Variants in TSGA10 observed in about 807,000 individuals in gnomAD.
TSGA10 encodes testis specific 10.
A neutral mutation model predicts 96.6 loss-of-function variants in TSGA10; 43 were observed. The ratio of observed to expected loss-of-function variants is 0.44; its 90% CI spans 0.35 to 0.57. The LOEUF (loss-of-function observed/expected upper bound fraction) is 0.57, where lower values mean the gene tolerates loss of function less well. Ranked by LOEUF, TSGA10 falls within the 20% of genes least tolerant of loss-of-function variation. TSGA10 has a pLI of 0.01. For missense variants in TSGA10, 703 were observed against 834.4 expected (o/e 0.84, Z 1.94); for synonymous variants, 229 against 269.9 (o/e 0.85, Z 1.48).
intron 16 of TSGA10, among the ~76,000 whole-genome samples, chr2:99,044,915 T>C (rs2104276235): frequency 6.6e-6 from 1 of 152,258 alleles, no homozygotes; most frequent in South Asian, 2.1e-4. Flanking sequence ...CTGAACAACC[T>C]GCTCCTGAAT....
Position 99,126,843 on chromosome 2 carries a change from C to G in TSGA10, c.-492+205G>C, listed in dbSNP as rs1047088358. On this transcript the variant is annotated intron_variant, in intron 2 of 20. Coordinates refer to ENST00000393483, the MANE Select transcript of TSGA10 (RefSeq NM_025244.4). ...GTAAAAACTGTATACCTGAAAACAT[C>G]TGACACAACACTTGACACGTAGTTT... The G allele has an allele frequency of 3.6e-5, 11 of 306,294 alleles. 1 individual carries two copies. The Admixed American group carries it at 3.8e-4, about 11-fold the overall frequency. The allele number at this position is 306,294 out of a possible 1,614,324, so 19.0% of individuals were successfully genotyped here.
intron 16 of TSGA10, among the ~76,000 whole-genome samples, chr2:99,056,154 G>A (rs570450940): frequency 4.0e-5 from 6 of 151,628 alleles, no homozygotes; most frequent in African/African-American, 9.7e-5. Context: ...GCAGTGAGCC[G>A]AGATCACGCC....
At chr2:99,022,289 C>T (rs1268814531) in intron 17 of TSGA10, among the ~76,000 whole-genome samples, 1 of 136,974 alleles carries the variant, frequency 7.3e-6, no homozygotes, top group Non-Finnish European at 1.5e-5. Context: ...GGCACCACTG[C>T]ACTCCAGCCT....
At chr2:99,102,265 T>C (rs1305911886) in intron 10 of TSGA10, 3 of 1,612,220 alleles carry the variant, frequency 1.9e-6, no homozygotes, top group Non-Finnish European at 2.5e-6. Flanking sequence ...GCTACTTTGG[T>C]GATGAAGAAA....
In TSGA10 at chr2:99,035,339, A is replaced by G; in HGVS notation, c.1505T>C (p.Val502Ala). Residue 502 changes from valine to alanine, a missense_variant, in exon 17 of 21, where the codon GTG (valine) becomes GCG (alanine). Coordinates refer to ENST00000393483, the MANE Select transcript of TSGA10 (RefSeq NM_025244.4). ...AGAAGACAAATCTGCAAGAGCGGAC[A>G]CTTTTTCAAACTGAACCTTCTGAAG... ...EELQKVQFEK[V>A]SALADLSSTR... The G allele has an allele frequency of 1.2e-6, 2 of 1,613,404 alleles. No individual in the cohort carries two copies. Among genetic ancestry groups the G allele is most frequent in the Non-Finnish European group, 1.7e-6 (2 of 1,179,534 alleles).
chr2:99,147,923 C>A (rs1335631139), intron 1 of TSGA10, among the ~76,000 whole-genome samples: 4 of 152,140 alleles, frequency 2.6e-5, no homozygotes, highest in Non-Finnish European at 4.4e-5. Context: ...ATACAATTAT[C>A]ATATTCATGG....
chr2:99,134,674 AT>A (rs947111573), intron 1 of TSGA10, among the ~76,000 whole-genome samples: 39 of 151,676 alleles, frequency 2.6e-4, no homozygotes, highest in Middle Eastern at 3.2e-3. Flanking sequence ...GGTTTTTGAA[AT>A]TTTCAGCCTT....
intron 1 of TSGA10, chr2:99,141,203 G>A (rs2093535769): frequency 2.6e-6 from 3 of 1,159,136 alleles, no homozygotes; most frequent in African/African-American, 1.6e-5. Context: ...TCCATCCTCC[G>A]CCCCTTTCTC....
chr2:99,044,152 T>C (rs1451402022), intron 16 of TSGA10, among the ~76,000 whole-genome samples: 2 of 152,142 alleles, frequency 1.3e-5, no homozygotes, highest in African/African-American at 2.4e-5. Context: ...AGCATCATAA[T>C]GACAGGATCG....
chr2:99,133,488 T>C (rs1051516417), intron 1 of TSGA10, among the ~76,000 whole-genome samples: 5 of 152,238 alleles, frequency 3.3e-5, no homozygotes, highest in African/African-American at 1.2e-4. Flanking sequence ...TCTTTGCATA[T>C]GAGATGGGTC....
At chr2:99,114,779 A>G (rs1412579081) in intron 4 of TSGA10, among the ~76,000 whole-genome samples, 1 of 152,126 alleles carries the variant, frequency 6.6e-6, no homozygotes, top group Non-Finnish European at 1.5e-5. Context: ...CATAAACCCT[A>G]ACAACCCTTT....
intron 2 of TSGA10, among the ~76,000 whole-genome samples, chr2:99,121,634 A>G (rs1302534964): frequency 6.6e-6 from 1 of 151,580 alleles, no homozygotes; most frequent in East Asian, 2.0e-4. Flanking sequence ...ACCTGCCTAG[A>G]TAATTTGTGT....
Position 99,108,877 on chromosome 2 carries a change from C to A in TSGA10, c.166G>T (p.Val56Phe), listed in dbSNP as rs376162872. The change falls in exon 7 of 21, where the codon GTT becomes TTT. Residue 56 changes from valine (V) to phenylalanine (F), a missense_variant. By Grantham distance (50) the Val-to-Phe change is conservative. This residue lies in a region of TSGA10 where 585 missense variants were observed against 656.8 expected (regional missense o/e 0.89). Coordinates refer to ENST00000393483, the MANE Select transcript of TSGA10 (RefSeq NM_025244.4). The part of the protein sequence containing the change: ...HLAEIQGNVK[V>F]LKSERDKIFL... ...ATCTTGTCTCTCTCAGATTTAAGAA[C>A]CTTGACATTACCCTGAATTTCTGCC... The A allele has an allele frequency of 6.9e-6, 11 of 1,597,178 alleles. No homozygotes were observed. The highest frequency in any genetic ancestry group is 6.8e-5 in the African/African-American group (5 of 73,892).
intron 4 of TSGA10, among the ~76,000 whole-genome samples, chr2:99,116,139 ACT>A (rs1388529694): frequency 1.3e-5 from 2 of 152,230 alleles, no homozygotes; most frequent in Non-Finnish European, 2.9e-5. Context: ...TTGGGAAATT[ACT>A]CTGTTACAGA....
At chr2:99,147,700 GTAATAA>G (rs905713225) in intron 1 of TSGA10, among the ~76,000 whole-genome samples, 1 of 152,070 alleles carries the variant, frequency 6.6e-6, no homozygotes, top group Admixed American at 6.5e-5. Context: ...CTACAGAAAT[GTAATAA>G]TAATAATATG....
chr2:99,016,108 A>G (rs1208234175), intron 20 of TSGA10, among the ~76,000 whole-genome samples: 1 of 152,182 alleles, frequency 6.6e-6, no homozygotes, highest in African/African-American at 2.4e-5. Context: ...GTGCAGTTCC[A>G]ATCAAAGTAC....
chr2:99,064,791 A>T, intron 16 of TSGA10, 148 bp downstream of exon 16: 1 of 552,400 alleles, frequency 1.8e-6, no homozygotes. Flanking sequence ...GAAGAATCAA[A>T]GTATAAGGAG....
intron 1 of TSGA10, chr2:99,150,737 T>C (rs773827615): frequency 6.2e-6 from 10 of 1,614,042 alleles, no homozygotes; most frequent in Admixed American, 1.7e-5. Context: ...TTTACAAGGA[T>C]TGAAGGGACT....
chr2:99,035,857 T>C (rs2081576234), intron 16 of TSGA10, among the ~76,000 whole-genome samples: 1 of 152,154 alleles, frequency 6.6e-6, no homozygotes, highest in African/African-American at 2.4e-5. Context: ...ACAACATCTG[T>C]TTTTGAATTC....
Sources: allele counts gnomAD v4.1 joint callset (sites outside exome capture counted in the v4.1 genomes callset), GRCh38; gene constraint gnomAD v4.1.1; regional missense constraint gnomAD v4.1.1; transcripts MANE v1.5; gene names NCBI Gene and HGNC (gene_info 2026-07-23, HGNC 2026-07-21).